Variants in SNX8 observed in about 807,000 individuals in gnomAD.
The protein encoded by SNX8 is sorting nexin 8.
In SNX8, 25 loss-of-function variants were observed where a neutral mutation model predicts 51.6. The ratio of observed to expected loss-of-function variants is 0.48; its 90% CI spans 0.35 to 0.68. SNX8 has a LOEUF of 0.68. Among genes scored for constraint, SNX8 ranks in the 30% least tolerant of loss-of-function variants. The pLI, the probability that SNX8 is intolerant of heterozygous loss-of-function variation, is 0.00. For missense variants in SNX8, 695 were observed against 624.0 expected (o/e 1.11, Z -1.21); for synonymous variants, 324 against 277.0 (o/e 1.17, Z -1.68).
intron 1 of SNX8, among the ~76,000 whole-genome samples, chr7:2,324,629 T>TA (rs201039520): frequency 6.6e-6 from 1 of 151,802 alleles, no homozygotes; most frequent in African/African-American, 2.4e-5. Flanking sequence ...AAACTAAGAA[T>TA]AAAAAAAATT....
intron 1 of SNX8, among the ~76,000 whole-genome samples, chr7:2,301,802 G>A (rs927064524): frequency 6.6e-6 from 1 of 152,094 alleles, no homozygotes; most frequent in Non-Finnish European, 1.5e-5. Context: ...CTCCAGCGTC[G>A]AGTTCTGTCT....
At chr7:2,267,114 C>T (rs1453906428) in intron 5 of SNX8, among the ~76,000 whole-genome samples, 1 of 152,190 alleles carries the variant, frequency 6.6e-6, no homozygotes, top group Non-Finnish European at 1.5e-5. Flanking sequence ...CCTGTTTCTC[C>T]ATCCGTAAAA....
intron 1 of SNX8, among the ~76,000 whole-genome samples, chr7:2,352,338 T>A (rs2115256618): frequency 6.6e-6 from 1 of 152,210 alleles, no homozygotes; most frequent in Middle Eastern, 3.4e-3. Context: ...GACCCCCAGT[T>A]TCACATTGCA....
upstream of SNX8, among the ~76,000 whole-genome samples, chr7:2,314,735 A>C (rs1043489746): frequency 3.9e-5 from 6 of 152,004 alleles, no homozygotes; most frequent in Non-Finnish European, 8.8e-5. Flanking sequence ...CACCCACCGC[A>C]CCCTCATTCA....
chr7:2,308,265 T>G (rs1796589806), intron 1 of SNX8, among the ~76,000 whole-genome samples: 1 of 152,126 alleles, frequency 6.6e-6, no homozygotes. Context: ...GTTTCTGTTT[T>G]CTGGAGAGAG....
At chr7:2,294,843 G>A (rs1408169129) in intron 1 of SNX8, among the ~76,000 whole-genome samples, 5 of 152,076 alleles carry the variant, frequency 3.3e-5, no homozygotes, top group East Asian at 1.9e-4. Flanking sequence ...AGACCAGCCC[G>A]GGGAACATGG....
intron 1 of SNX8, among the ~76,000 whole-genome samples, chr7:2,284,395 CCTTTT>C (rs1358042508): frequency 2.8e-5 from 3 of 106,176 alleles, no homozygotes; most frequent in Admixed American, 1.2e-4. Flanking sequence ...GCTTTTATTT[CCTTTT>C]TTTTTTTTTT....
chr7:2,321,557 G>A (rs1778514305), intron 1 of SNX8, among the ~76,000 whole-genome samples: 1 of 149,984 alleles, frequency 6.7e-6, no homozygotes, highest in South Asian at 2.1e-4. Context: ...CTCCCAAGTA[G>A]CTGGAATAAC....
chr7:2,309,575 T>C (rs1796619063), intron 1 of SNX8, among the ~76,000 whole-genome samples: 1 of 149,958 alleles, frequency 6.7e-6, no homozygotes, highest in African/African-American at 2.5e-5. Context: ...CTACTGAAAA[T>C]ACAAAATTAG....
At chr7:2,345,238 T>C (rs1778998407) in intron 1 of SNX8, among the ~76,000 whole-genome samples, 2 of 152,182 alleles carry the variant, frequency 1.3e-5, no homozygotes, top group South Asian at 4.1e-4. Context: ...TGTGATATAT[T>C]CATGCAATGT....
At chr7:2,294,266 A>G (rs902318343) in intron 1 of SNX8, among the ~76,000 whole-genome samples, 30 of 151,908 alleles carry the variant, frequency 2.0e-4, no homozygotes, top group African/African-American at 7.3e-4. Context: ...TCCATCTCAA[A>G]ATAAATAAAT....
intron 5 of SNX8, among the ~76,000 whole-genome samples, chr7:2,268,414 T>G (rs1430506103): frequency 1.6e-5 from 2 of 123,956 alleles, no homozygotes; most frequent in Non-Finnish European, 1.7e-5. Flanking sequence ...GTGAGGAGCG[T>G]CTCCGCCCGG....
chr7:2,316,136 C>T (rs1292766813), upstream of SNX8, among the ~76,000 whole-genome samples: 2 of 151,130 alleles, frequency 1.3e-5, no homozygotes, highest in African/African-American at 4.9e-5. Flanking sequence ...TGCTTTCATT[C>T]ACGCAACCAC....
At chr7:2,314,960 C>CCACT (rs1021193617), upstream of SNX8, among the ~76,000 whole-genome samples, 2 of 149,560 alleles carry the variant, frequency 1.3e-5, no homozygotes, top group African/African-American at 4.9e-5. Context: ...ATTCATCCAG[C>CCACT]CACTCACTCA....
In SNX8 at chr7:2,252,670, GCCC is replaced by G. The variant is rs373320447; in HGVS notation, c.*2383_*2385del. On this transcript the variant is annotated 3_prime_UTR_variant, in exon 11 of 11. Coordinates refer to ENST00000222990, the MANE Select transcript of SNX8 (RefSeq NM_013321.4). ...CTGACCCTCCCACCCCTGCCTTCCT[GCCC>G]CCCCACCTCCCTCCTGCCTTCCCAC... 4.5e-5 allele frequency: 3 copies of G among 66,478 alleles called. No homozygotes were observed. The highest frequency in any genetic ancestry group is 4.8e-4 in the East Asian group (1 of 2,080). 4.1% of individuals were successfully genotyped at this position (66,478 alleles called of 1,614,324 possible).
chr7:2,296,887 G>GC lies in SNX8; in HGVS notation c.94+17440dup, dbSNP rs200851786. ...AGAGGTTGCAGTGAGCTGAGATCAC[G>GC]CCATTGCACTCCAGCCTGGGCAACA... On this transcript the variant is annotated intron_variant, in intron 1 of 10. Coordinates refer to ENST00000222990, the MANE Select transcript of SNX8 (RefSeq NM_013321.4). 5.9e-5 allele frequency among the ~76,000 whole-genome samples: 9 copies of GC among 151,916 alleles called. No homozygotes were observed. The East Asian group carries it at 1.4e-3, about 23-fold the overall frequency.
intron 1 of SNX8, among the ~76,000 whole-genome samples, chr7:2,304,345 C>T (rs369869786): frequency 1.2e-4 from 18 of 151,208 alleles, no homozygotes; most frequent in East Asian, 4.0e-4. Flanking sequence ...GAGATAGAGA[C>T]CATCCTGGCT....
At chr7:2,280,687 T>C (rs1345845024) in intron 1 of SNX8, among the ~76,000 whole-genome samples, 1 of 152,226 alleles carries the variant, frequency 6.6e-6, no homozygotes, top group African/African-American at 2.4e-5. Flanking sequence ...TCAAAGACAC[T>C]TCTTTAACTC....
At chr7:2,264,273 C>A in intron 6 of SNX8, 25 bp downstream of exon 6, 1 of 1,599,222 alleles carries the variant, frequency 6.3e-7, no homozygotes, top group Non-Finnish European at 8.5e-7. Flanking sequence ...GCGCGTGCCC[C>A]TGCAGAAGCT....
Sources: gnomAD v4.1 joint callset for allele counts (sites outside exome capture counted in the v4.1 genomes callset) on GRCh38, gnomAD v4.1.1 for gene constraint, MANE v1.5 for transcripts, NCBI Gene and HGNC (gene_info 2026-07-23, HGNC 2026-07-21) for gene names.